Variants in SLC35F5 observed in about 807,000 individuals in gnomAD.
SLC35F5 encodes solute carrier family 35 member F5, also known as HCV NS5A-transactivated protein 3.
In SLC35F5, 54 loss-of-function variants were observed where a neutral mutation model predicts 68.6. The ratio of observed to expected loss-of-function variants is 0.79; its 90% CI spans 0.63 to 0.99. SLC35F5 has a LOEUF of 0.99. Ranked by LOEUF, SLC35F5 falls within the 50% of genes least tolerant of loss-of-function variation. SLC35F5 has a pLI of 0.00. For synonymous variants in SLC35F5, 211 were observed against 205.2 expected (o/e 1.03, Z -0.24); for missense variants, 567 against 626.9 (o/e 0.90, Z 1.02).
chr2:113,742,333 G>T, intron 7 of SLC35F5: 1 of 273,298 alleles, frequency 3.7e-6, no homozygotes, highest in Non-Finnish European at 6.8e-6. Flanking sequence ...CTCTTATCTG[G>T]ATATTTACTA....
At chr2:113,726,723 T>C (rs11676758) in intron 11 of SLC35F5, among the ~76,000 whole-genome samples, 35,327 of 152,042 alleles carry the variant, frequency 0.23, 4,455 homozygotes, top group Middle Eastern at 0.49. Context: ...TCATGACTAA[T>C]TGATGGAGGC....
Position 113,717,856 on chromosome 2 carries a change from G to GAAA in SLC35F5, c.1497-9_1497-7dup. ...GTTCGCTGTCTTCTGGAACTCTTAA[G>GAAA]AAAAAAAAAAGCAGTAATTAAGGAA... On this transcript the variant is annotated splice_polypyrimidine_tract_variant and splice_region_variant and intron_variant, in intron 14 of 15. Coordinates refer to ENST00000245680, the MANE Select transcript of SLC35F5 (RefSeq NM_025181.5). 1 of 1,433,930 alleles carries GAAA rather than the reference G, an allele frequency of 7.0e-7. No homozygotes were observed. Among genetic ancestry groups the GAAA allele is most frequent in the South Asian group, 1.3e-5 (1 of 75,726 alleles). 88.8% of individuals were successfully genotyped at this position (1,433,930 alleles called of 1,614,324 possible).
chr2:113,737,980 A>T (rs1688153219), intron 7 of SLC35F5, among the ~76,000 whole-genome samples: 1 of 151,358 alleles, frequency 6.6e-6, no homozygotes. Flanking sequence ...TTAATATTTG[A>T]TAAAAATAGT....
At position 113,750,433 on chromosome 2, in the gene SLC35F5, C is replaced by T; in HGVS notation, c.409G>A (p.Ala137Thr). ...TAAAATTAAAAACTTACAAAAGCAG[C>T]ATGCTTTCCGCGAAGTCCTCTTGTA... The part of the protein sequence containing the change: ...QCTRGLRGKH[A>T]AFFADAEGYF... The change falls in exon 4 of 16, where the codon GCT (alanine) becomes ACT (threonine). Residue 137 changes from alanine (A) to threonine (T), a missense_variant. Physicochemically the swap from Ala to Thr is moderately conservative, Grantham distance 58. Transcript: ENST00000245680. 1 of 1,597,548 alleles carries T rather than the reference C, an allele frequency of 6.3e-7. No homozygotes were observed. Among genetic ancestry groups the T allele is most frequent in the Non-Finnish European group, 8.5e-7 (1 of 1,172,962 alleles).
chr2:113,751,231 A>G (rs1200434617), intron 3 of SLC35F5, among the ~76,000 whole-genome samples: 1 of 152,208 alleles, frequency 6.6e-6, no homozygotes, highest in Non-Finnish European at 1.5e-5. Context: ...ATATATGAAG[A>G]GAATACAGCA....
chr2:113,727,725 C>T lies in SLC35F5; in HGVS notation c.1090+1676G>A, dbSNP rs185200189. Among the ~76,000 whole-genome samples the T allele has an allele frequency of 3.8e-3, 585 of 152,072 alleles. 9 individuals carry two copies. Among genetic ancestry groups the T allele is most frequent in the African/African-American group, 0.012 (510 of 41,406 alleles). Reference sequence around the variant, plus strand: ...CCCAACATCCCAATCCTAACTTCTCCGAATCCTGTCTATTCTAAAGCCCAG... The same window carrying T: ...CCCAACATCCCAATCCTAACTTCTCTGAATCCTGTCTATTCTAAAGCCCAG... On this transcript the variant is annotated intron_variant, in intron 11 of 15. Transcript: ENST00000245680.
intron 12 of SLC35F5, among the ~76,000 whole-genome samples, chr2:113,723,966 T>G (rs545953389): frequency 5.9e-5 from 9 of 152,300 alleles, no homozygotes; most frequent in African/African-American, 1.9e-4. Context: ...AAAACCATAA[T>G]GTATATTGTT....
At chr2:113,738,522 G>A (rs72946611) in intron 7 of SLC35F5, among the ~76,000 whole-genome samples, 16,797 of 151,906 alleles carry the variant, frequency 0.11, 996 homozygotes, top group Non-Finnish European at 0.13. Flanking sequence ...GGTTGTTCCC[G>A]TATCTTGTCT....
Position 113,722,610 on chromosome 2 carries a change from A to G in SLC35F5, c.1341+494T>C, listed in dbSNP as rs572429925. On this transcript the variant is annotated intron_variant, in intron 13 of 15. Coordinates refer to ENST00000245680, the MANE Select transcript of SLC35F5 (RefSeq NM_025181.5). ...AGATTCTCTTTTCTGCGGTGTTAGC[A>G]TTGCCAATATTTATCACAAGAATCC... 7.9e-5 allele frequency among the ~76,000 whole-genome samples: 12 copies of G among 152,278 alleles called. No individual in the cohort carries two copies. The East Asian group carries it at 2.3e-3, about 29-fold the overall frequency.
chr2:113,743,065 T>C (rs1222879222), intron 6 of SLC35F5, among the ~76,000 whole-genome samples, 186 bp from the exon 7 acceptor site: 1 of 152,148 alleles, frequency 6.6e-6, no homozygotes, highest in African/African-American at 2.4e-5. Flanking sequence ...AAAGGAAAAA[T>C]GATTTCATCT....
chr2:113,702,913 A>G (rs1344148884), downstream of SLC35F5, among the ~76,000 whole-genome samples: 1 of 152,194 alleles, frequency 6.6e-6, no homozygotes, highest in East Asian at 1.9e-4. Flanking sequence ...GTTCGAGACC[A>G]GCCTAGGCAA....
At chr2:113,747,121 T>C (rs1438971202) in intron 4 of SLC35F5, among the ~76,000 whole-genome samples, 1 of 151,786 alleles carries the variant, frequency 6.6e-6, no homozygotes, top group Non-Finnish European at 1.5e-5. Flanking sequence ...ACCCCATCTC[T>C]ACTAAAAAAT....
rs898433883 is a variant in SLC35F5 at position 113,714,515 on chromosome 2, T to C, written c.*703A>G. ...CAGCAATATAGCCTTTAGAAATACA[T>C]ATTTCTTCATTTTATAATAATACTT... On this transcript the variant is annotated 3_prime_UTR_variant, in exon 16 of 16. Coordinates refer to ENST00000245680, the MANE Select transcript of SLC35F5 (RefSeq NM_025181.5). The C allele has an allele frequency of 6.6e-6, 1 of 152,008 alleles. No homozygotes were observed. The highest frequency in any genetic ancestry group is 6.5e-5 in the Admixed American group (1 of 15,272). 9.4% of individuals were successfully genotyped at this position (152,008 alleles called of 1,614,324 possible).
At chr2:113,737,405 T>G (rs561676733) in intron 7 of SLC35F5, among the ~76,000 whole-genome samples, 3 of 152,188 alleles carry the variant, frequency 2.0e-5, no homozygotes, top group Non-Finnish European at 4.4e-5. Flanking sequence ...CATGCCTATC[T>G]AGATAAAATG....
At chr2:113,751,337 C>A (rs1168358545) in intron 3 of SLC35F5, among the ~76,000 whole-genome samples, 1 of 152,092 alleles carries the variant, frequency 6.6e-6, no homozygotes, top group Non-Finnish European at 1.5e-5. Context: ...CCAAGGGAGA[C>A]TGTTTTTTTG....
Position 113,731,580 on chromosome 2 carries a change from T to G in SLC35F5, c.985+4A>C. 6.2e-7 allele frequency: 1 copy of G among 1,610,656 alleles called. No homozygotes were observed. The highest frequency in any genetic ancestry group is 1.3e-5 in the African/African-American group (1 of 74,920). On this transcript the variant is annotated splice_donor_region_variant and intron_variant, in intron 10 of 15. Coordinates refer to ENST00000245680, the MANE Select transcript of SLC35F5 (RefSeq NM_025181.5). Reference sequence around the variant, plus strand: ...ACAGAGAGAATCCAGAGTCCAGTACTTACCTACTGTGTCTCTTCCAGCAGG... The same window carrying G: ...ACAGAGAGAATCCAGAGTCCAGTACGTACCTACTGTGTCTCTTCCAGCAGG...
At chr2:113,748,625 T>C (rs746478532) in intron 4 of SLC35F5, among the ~76,000 whole-genome samples, 44 of 152,314 alleles carry the variant, frequency 2.9e-4, no homozygotes, top group Non-Finnish European at 5.3e-4. Flanking sequence ...CCTATACTAA[T>C]ACACATACAA....
intron 7 of SLC35F5, chr2:113,742,460 A>G (rs2104462043): frequency 1.8e-6 from 1 of 548,022 alleles, no homozygotes; most frequent in South Asian, 2.7e-5. Flanking sequence ...GTTTGTGTAT[A>G]TATGTAAATA....
intron 6 of SLC35F5, among the ~76,000 whole-genome samples, chr2:113,743,278 T>G (rs1203284235): frequency 6.6e-6 from 1 of 152,172 alleles, no homozygotes; most frequent in Non-Finnish European, 1.5e-5. Context: ...CGCAGAACAA[T>G]TCTCTATAGG....
Sources: allele counts gnomAD v4.1 joint callset (sites outside exome capture counted in the v4.1 genomes callset), GRCh38; gene constraint gnomAD v4.1.1; transcripts MANE v1.5; gene names NCBI Gene and HGNC (gene_info 2026-07-23, HGNC 2026-07-21).